TSPAN3: variants seen among roughly 807,000 people sequenced by gnomAD.
TSPAN3 encodes the protein tetraspanin 3, also known as tetraspanin-3.
Under a neutral mutation model 31.1 loss-of-function variants are expected in TSPAN3, and 9 were observed. The ratio of observed to expected loss-of-function variants is 0.29; its 90% CI spans 0.17 to 0.50. The LOEUF (loss-of-function observed/expected upper bound fraction) is 0.50. Ranked by LOEUF, TSPAN3 falls within the 20% of genes least tolerant of loss-of-function variation. The pLI, the probability that TSPAN3 is intolerant of heterozygous loss-of-function variation, is 0.98. For missense variants in TSPAN3, 252 were observed against 313.5 expected, an observed-to-expected ratio of 0.80 and a Z score of 1.48; for synonymous variants, 129 against 114.3, an observed-to-expected ratio of 1.13 and a Z score of -0.82.
intron 1 of TSPAN3, 41 bp from the exon 2 acceptor site, chr15:77,056,296 G>A: frequency 6.8e-7 from 1 of 1,479,158 alleles, no homozygotes; most frequent in Non-Finnish European, 9.0e-7. Flanking sequence ...AAGCACTGCT[G>A]GTAAAAATTT....
At position 77,070,880 on chromosome 15, in the gene TSPAN3, G is replaced by A. The variant is rs557724502; in HGVS notation, c.63+12C>T. 1.2e-5 allele frequency: 16 copies of A among 1,373,978 alleles called. No individual in the cohort carries two copies. The highest frequency in any genetic ancestry group is 2.8e-5 in the Admixed American group (1 of 35,410). 85.1% of individuals were successfully genotyped at this position (1,373,978 alleles called of 1,614,324 possible). On this transcript the variant is annotated intron_variant, in intron 1 of 6. Transcript: ENST00000267970. ...CCGCCGCCGGCCCCTCGCTCTGCCCGGCCCCGCTCACCCAGAAGATGAGGT... is the reference window on the plus strand; with the variant it reads ...CCGCCGCCGGCCCCTCGCTCTGCCCAGCCCCGCTCACCCAGAAGATGAGGT...
intron 1 of TSPAN3, chr15:77,070,203 T>C (rs2076858340): frequency 6.6e-6 from 1 of 152,176 alleles, no homozygotes; most frequent in Non-Finnish European, 1.5e-5. Flanking sequence ...TTATTGAAAG[T>C]GAACTCATCA....
chr15:77,045,968 G>C lies in TSPAN3; in HGVS notation c.*867C>G, dbSNP rs1037839229. 6.5e-6 allele frequency: 1 copy of C among 153,784 alleles called. No individual in the cohort carries two copies. The highest frequency in any genetic ancestry group is 2.4e-5 in the African/African-American group (1 of 41,494). 9.5% of individuals were successfully genotyped at this position (153,784 alleles called of 1,614,324 possible). ...ATGAACTATAGACAGCACCAACAAA[G>C]AAAACATGATACTGCTGCTCTGGAA... On this transcript the variant is annotated 3_prime_UTR_variant, in exon 7 of 7. Transcript: ENST00000267970.
intron 1 of TSPAN3, among the ~76,000 whole-genome samples, chr15:77,070,438 G>A (rs2076860572): frequency 6.6e-6 from 1 of 151,838 alleles, no homozygotes; most frequent in Admixed American, 6.5e-5. Flanking sequence ...CAGCGTCCCC[G>A]CGGATCTGCC....
chr15:77,058,542 T>C (rs1394495114), intron 1 of TSPAN3, among the ~76,000 whole-genome samples: 1 of 152,212 alleles, frequency 6.6e-6, no homozygotes, highest in African/African-American at 2.4e-5. Flanking sequence ...TCCCAGTGCA[T>C]GGTTCTAACA....
intron 1 of TSPAN3, among the ~76,000 whole-genome samples, chr15:77,061,186 TG>T (rs368300520): frequency 1.3e-5 from 2 of 152,064 alleles, no homozygotes; most frequent in Admixed American, 1.3e-4. Flanking sequence ...AACTAGTTTT[TG>T]GGGGGGTAAT....
chr15:77,046,531 A>C lies in TSPAN3; in HGVS notation c.*304T>G. 2.2e-6 allele frequency: 1 copy of C among 454,178 alleles called. No individual in the cohort carries two copies. The allele number at this position is 454,178 out of a possible 1,614,324, so 28.1% of individuals were successfully genotyped here. ...TCAGTCCTGTTACCACTTGGAGGTA[A>C]CAGAAGCAGGCTCGTGTCCTCCTTT... is the stretch of plus-strand genomic sequence containing the variant. On this transcript the variant is annotated 3_prime_UTR_variant, in exon 7 of 7. Transcript: ENST00000267970.
intron 1 of TSPAN3, among the ~76,000 whole-genome samples, chr15:77,061,792 T>C (rs1304661533): frequency 6.6e-6 from 1 of 152,216 alleles, no homozygotes; most frequent in African/African-American, 2.4e-5. Flanking sequence ...GTAGTAGCCA[T>C]TGATGATGAT....
Position 77,052,618 on chromosome 15 carries a change from T to A in TSPAN3, c.586-150A>T, listed in dbSNP as rs192693103. 1.3e-3 allele frequency: 1,389 copies of A among 1,097,460 alleles called. 7 individuals carry two copies. The highest frequency in any genetic ancestry group is 6.0e-3 in the Middle Eastern group (29 of 4,846). 68.0% of individuals were successfully genotyped at this position (1,097,460 alleles called of 1,614,324 possible). A position where few individuals can be genotyped will look rare whatever the true frequency, so the allele number is the denominator to read the frequency against. On this transcript the variant is annotated intron_variant, in intron 5 of 6. Coordinates refer to ENST00000267970, the MANE Select transcript of TSPAN3 (RefSeq NM_005724.6). ...ATGATTGGTATAATTTACAGACATG[T>A]AATTAAAACAAAGACATGCATTTTA...
At chr15:77,070,183 A>G (rs2076858255) in intron 1 of TSPAN3, 2 of 152,150 alleles carry the variant, frequency 1.3e-5, no homozygotes, top group South Asian at 4.1e-4. Context: ...AAAAATTCAT[A>G]AGCCACCTTT....
In TSPAN3 at chr15:77,042,141, C is replaced by T. The variant is rs1194757376; in HGVS notation, c.*4694G>A. The T allele has an allele frequency of 6.6e-6, 1 of 152,140 alleles. No individual in the cohort carries two copies. The highest frequency in any genetic ancestry group is 1.5e-5 in the Non-Finnish European group (1 of 68,022). 9.4% of individuals were successfully genotyped at this position (152,140 alleles called of 1,614,324 possible). ...GGATAAAATTCCTATTAGCAAAAAG[C>T]AAAAACCAAAACCCAATACCAAGTC... On this transcript the variant is annotated 3_prime_UTR_variant, in exon 7 of 7. Coordinates refer to ENST00000267970, the MANE Select transcript of TSPAN3 (RefSeq NM_005724.6).
At chr15:77,055,101 C>T (rs1484637775) in intron 3 of TSPAN3, 1 of 152,048 alleles carries the variant, frequency 6.6e-6, no homozygotes, top group African/African-American at 2.4e-5. Flanking sequence ...CATATTATGC[C>T]CTTGACTCAA....
chr15:77,054,861 T>C (rs1348857729), intron 3 of TSPAN3: 1 of 152,274 alleles, frequency 6.6e-6, no homozygotes, highest in Non-Finnish European at 1.5e-5. Context: ...GCTTCATAGC[T>C]TATTGCTGCC....
At chr15:77,057,118 A>G (rs1396173046) in intron 1 of TSPAN3, among the ~76,000 whole-genome samples, 1 of 152,224 alleles carries the variant, frequency 6.6e-6, no homozygotes, top group Non-Finnish European at 1.5e-5. Flanking sequence ...CCAGCTGCAG[A>G]GTCTTACTTT....
chr15:77,046,354 C>G lies in TSPAN3; in HGVS notation c.*481G>C. ...TTTGTACAGCTGCTATCTTATTGGA[C>G]TACAGTAAATATTTTTTAAAAGGAC... On this transcript the variant is annotated 3_prime_UTR_variant, in exon 7 of 7. Coordinates refer to ENST00000267970, the MANE Select transcript of TSPAN3 (RefSeq NM_005724.6). 2.5e-6 allele frequency: 1 copy of G among 401,142 alleles called. No individual in the cohort carries two copies. The highest frequency in any genetic ancestry group is 1.2e-4 in the South Asian group (1 of 8,076). 24.8% of individuals were successfully genotyped at this position (401,142 alleles called of 1,614,324 possible). A position where few individuals can be genotyped will look rare whatever the true frequency, so the allele number is the denominator to read the frequency against.
In TSPAN3 at chr15:77,046,668, G is replaced by C; in HGVS notation, c.*167C>G. On this transcript the variant is annotated 3_prime_UTR_variant, in exon 7 of 7. Transcript: ENST00000267970. The stretch of plus-strand genomic sequence containing the variant: ...AGCTAGAACAAGGAAAAAGAAAGTC[G>C]CAGGTAGTAGGTAAGTAGGTGGGCA... The C allele has an allele frequency of 1.8e-6, 1 of 565,284 alleles. No homozygotes were observed. The highest frequency in any genetic ancestry group is 3.1e-6 in the Non-Finnish European group (1 of 319,006). The allele number at this position is 565,284 out of a possible 1,614,324, so 35.0% of individuals were successfully genotyped here. A position where few individuals can be genotyped will look rare whatever the true frequency, so the allele number is the denominator to read the frequency against.
chr15:77,059,814 A>G (rs1037638049), intron 1 of TSPAN3, among the ~76,000 whole-genome samples: 10 of 152,200 alleles, frequency 6.6e-5, no homozygotes, highest in Non-Finnish European at 8.8e-5. Context: ...CAGTTCACTG[A>G]AGAACTACTT....
chr15:77,048,744 AG>A (rs1201324229), intron 6 of TSPAN3, among the ~76,000 whole-genome samples: 1 of 152,180 alleles, frequency 6.6e-6, no homozygotes, highest in Non-Finnish European at 1.5e-5. Context: ...GCAATATTCA[AG>A]GCATGAGAAT....
chr15:77,059,274 G>A (rs1289627835), intron 1 of TSPAN3, among the ~76,000 whole-genome samples: 1 of 152,064 alleles, frequency 6.6e-6, no homozygotes, highest in Non-Finnish European at 1.5e-5. Context: ...AGTGGAGACG[G>A]GGTTTCACCG....
Sources: gnomAD v4.1 joint callset for allele counts (sites outside exome capture counted in the v4.1 genomes callset) on GRCh38, gnomAD v4.1.1 for gene constraint, MANE v1.5 for transcripts, NCBI Gene and HGNC (gene_info 2026-07-23, HGNC 2026-07-21) for gene names.